The following CNTN1 variants were observed in gnomAD, a reference collection of about 807,000 sequenced individuals.
The protein encoded by CNTN1 is contactin-1.
In CNTN1, 38 loss-of-function variants were observed where a neutral mutation model predicts 126.4. The ratio of observed to expected loss-of-function variants is 0.30; its 90% CI spans 0.23 to 0.39. The LOEUF is 0.39. Ranked by LOEUF, CNTN1 falls within the 10% of genes least tolerant of loss-of-function variation. The pLI, the probability that CNTN1 is intolerant of heterozygous loss-of-function variation, is 1.00. For synonymous variants in CNTN1, 413 were observed against 422.6 expected (o/e 0.98, Z 0.28); for missense variants, 1,009 against 1,248.4 (o/e 0.81, Z 2.89).
At chr12:40,999,423 C>T (rs958069793) in intron 17 of CNTN1, among the ~76,000 whole-genome samples, 1 of 151,986 alleles carries the variant, frequency 6.6e-6, no homozygotes, top group Non-Finnish European at 1.5e-5. Context: ...CTTAAGCTTC[C>T]TTGTACTTAG....
At chr12:40,934,643 G>T (rs1026067014) in intron 9 of CNTN1, among the ~76,000 whole-genome samples, 1 of 151,638 alleles carries the variant, frequency 6.6e-6, no homozygotes, top group Non-Finnish European at 1.5e-5. Flanking sequence ...TTTTAACTCT[G>T]GCTACTGTCC....
intron 1 of CNTN1, among the ~76,000 whole-genome samples, chr12:40,863,694 C>T (rs1330223452): frequency 6.6e-6 from 1 of 152,042 alleles, no homozygotes; most frequent in African/African-American, 2.4e-5. Flanking sequence ...GGAGCTGGAA[C>T]CCTATTATAA....
intron 19 of CNTN1, among the ~76,000 whole-genome samples, chr12:41,019,595 G>C (rs1484159402): frequency 6.6e-6 from 1 of 152,086 alleles, no homozygotes; most frequent in African/African-American, 2.4e-5. Flanking sequence ...GCCTTCATTG[G>C]TTTCTTTGTG....
intron 17 of CNTN1, among the ~76,000 whole-genome samples, chr12:40,997,745 TG>T (rs1948254946): frequency 6.6e-6 from 1 of 152,216 alleles, no homozygotes; most frequent in South Asian, 2.1e-4. Context: ...TTCTCCATGA[TG>T]CTGATCTGGG....
chr12:40,756,019 T>C (rs1403214901), intron 1 of CNTN1, among the ~76,000 whole-genome samples: 1 of 152,148 alleles, frequency 6.6e-6, no homozygotes, highest in Non-Finnish European at 1.5e-5. Flanking sequence ...GTGTTTTGTT[T>C]TTCTAGCCAC....
At chr12:40,780,061 A>C (rs1467527075) in intron 1 of CNTN1, among the ~76,000 whole-genome samples, 3 of 151,902 alleles carry the variant, frequency 2.0e-5, no homozygotes, top group Admixed American at 6.6e-5. Flanking sequence ...CTTCAGACCG[A>C]AGTGTGTTCT....
At chr12:40,719,213 T>A (rs960717525) in intron 1 of CNTN1, among the ~76,000 whole-genome samples, 1 of 152,230 alleles carries the variant, frequency 6.6e-6, no homozygotes, top group African/African-American at 2.4e-5. Context: ...ATGCAATTTA[T>A]GGATATTCTT....
intron 6 of CNTN1, among the ~76,000 whole-genome samples, chr12:40,925,412 C>T (rs1235966144): frequency 6.6e-6 from 1 of 151,142 alleles, no homozygotes; most frequent in African/African-American, 2.4e-5. Flanking sequence ...TGAAACGTAA[C>T]AGGCTTTTAA....
chr12:41,035,181 C>T (rs1949228644), intron 23 of CNTN1, among the ~76,000 whole-genome samples: 1 of 152,122 alleles, frequency 6.6e-6, no homozygotes, highest in Admixed American at 6.6e-5. Flanking sequence ...TTTAGTTAGA[C>T]TCAGAAATAA....
chr12:40,855,434 T>G (rs1942871262), intron 1 of CNTN1, among the ~76,000 whole-genome samples: 1 of 152,082 alleles, frequency 6.6e-6, no homozygotes, highest in Non-Finnish European at 1.5e-5. Context: ...CTCTAAAAAT[T>G]TTGTGCCATT....
intron 1 of CNTN1, among the ~76,000 whole-genome samples, chr12:40,706,747 A>G (rs1351026122): frequency 6.6e-6 from 1 of 152,232 alleles, no homozygotes; most frequent in East Asian, 1.9e-4. Context: ...ATATTGGTAG[A>G]TATGATCATG....
intron 15 of CNTN1, among the ~76,000 whole-genome samples, chr12:40,967,856 A>T (rs1947362658): frequency 1.3e-5 from 2 of 151,606 alleles, no homozygotes; most frequent in African/African-American, 4.8e-5. Context: ...TTTATATAAA[A>T]TGATGAATAT....
chr12:40,948,262 T>C (rs997390541), intron 14 of CNTN1, among the ~76,000 whole-genome samples: 58 of 140,192 alleles, frequency 4.1e-4, no homozygotes, highest in East Asian at 3.2e-3. Flanking sequence ...TTCTTTCTTT[T>C]TTTTTTTTTT....
At chr12:40,867,142 G>A (rs1943323164) in intron 1 of CNTN1, among the ~76,000 whole-genome samples, 1 of 152,104 alleles carries the variant, frequency 6.6e-6, no homozygotes, top group Admixed American at 6.6e-5. Flanking sequence ...AATGTACCTT[G>A]TTGTCCAAGG....
chr12:40,753,862 T>A (rs1053555495), intron 1 of CNTN1, among the ~76,000 whole-genome samples: 1 of 152,172 alleles, frequency 6.6e-6, no homozygotes, highest in Non-Finnish European at 1.5e-5. Context: ...TATGCTTACA[T>A]GTTCTTCAAT....
intron 1 of CNTN1, among the ~76,000 whole-genome samples, chr12:40,864,606 G>A (rs1219187801): frequency 6.6e-6 from 1 of 151,964 alleles, no homozygotes; most frequent in Non-Finnish European, 1.5e-5. Context: ...TACCTTTTGT[G>A]AATTTTCTTT....
In CNTN1 at chr12:40,817,706, T is replaced by C. The variant is rs372261630; in HGVS notation, c.-76-90651T>C. ...GTTATGTGCGAGTTTGATCCTATCA[T>C]CATGATGCTATTTGGCTATTTTGCA... On this transcript the variant is annotated intron_variant, in intron 1 of 23. Coordinates refer to ENST00000551295, the MANE Select transcript of CNTN1 (RefSeq NM_001843.4). 1.2e-4 allele frequency among the ~76,000 whole-genome samples: 19 copies of C among 152,210 alleles called. No individual in the cohort carries two copies. The South Asian group carries it at 3.3e-3, about 27-fold the overall frequency.
At chr12:40,896,320 A>G (rs973001508) in intron 1 of CNTN1, among the ~76,000 whole-genome samples, 1 of 152,124 alleles carries the variant, frequency 6.6e-6, no homozygotes, top group Non-Finnish European at 1.5e-5. Flanking sequence ...TCAGAAACTT[A>G]TAGTATAGTT....
At chr12:40,822,146 ATC>A (rs1941459584) in intron 1 of CNTN1, among the ~76,000 whole-genome samples, 1 of 81,892 alleles carries the variant, frequency 1.2e-5, no homozygotes, top group African/African-American at 4.0e-5. Flanking sequence ...CAAAATATAA[ATC>A]TTTTTTTTTT....
Sources: gnomAD v4.1 joint callset for allele counts (sites outside exome capture counted in the v4.1 genomes callset) on GRCh38, gnomAD v4.1.1 for gene constraint, MANE v1.5 for transcripts, NCBI Gene and HGNC (gene_info 2026-07-23, HGNC 2026-07-21) for gene names.